Variants in DYNC1I2 observed in about 807,000 individuals in gnomAD.
The protein encoded by DYNC1I2 is dynein cytoplasmic 1 intermediate chain 2.
Under a neutral mutation model 88.6 loss-of-function variants are expected in DYNC1I2, and 53 were observed. The observed-to-expected ratio is 0.60, with a 90% CI of 0.48 to 0.75. The LOEUF is 0.75. Ranked by LOEUF, DYNC1I2 falls within the 30% of genes least tolerant of loss-of-function variation. The pLI, the probability that DYNC1I2 is intolerant of heterozygous loss-of-function variation, is 0.00. For missense variants in DYNC1I2, 458 were observed against 766.6 expected, an observed-to-expected ratio of 0.60 and a Z score of 4.75; for synonymous variants, 198 against 254.6, an observed-to-expected ratio of 0.78 and a Z score of 2.12.
intron 2 of DYNC1I2, among the ~76,000 whole-genome samples, chr2:171,692,011 A>G (rs750305973): frequency 8.5e-5 from 13 of 152,120 alleles, no homozygotes; most frequent in Non-Finnish European, 1.9e-4. Context: ...ATGGCATAGA[A>G]TATTATGGCT....
intron 3 of DYNC1I2, among the ~76,000 whole-genome samples, chr2:171,705,667 T>C (rs1189083399): frequency 6.6e-6 from 1 of 151,992 alleles, no homozygotes; most frequent in East Asian, 1.9e-4. Flanking sequence ...AATGAAGAAA[T>C]GTAACCTAAG....
chr2:171,718,734 C>T (rs773870460), intron 7 of DYNC1I2, among the ~76,000 whole-genome samples: 16 of 152,108 alleles, frequency 1.1e-4, no homozygotes, highest in Non-Finnish European at 2.2e-4. Context: ...CCCCGGCCGT[C>T]TCCAAACTTC....
In DYNC1I2 at chr2:171,748,345, T is replaced by C. The variant is rs1689935324; in HGVS notation, c.*456T>C. The C allele has an allele frequency of 6.6e-6, 1 of 152,560 alleles. No individual in the cohort carries two copies. The highest frequency in any genetic ancestry group is 1.9e-4 in the East Asian group (1 of 5,210). The allele number at this position is 152,560 out of a possible 1,614,324, so 9.5% of individuals were successfully genotyped here. On this transcript the variant is annotated 3_prime_UTR_variant, in exon 18 of 18. Coordinates refer to ENST00000397119, the MANE Select transcript of DYNC1I2 (RefSeq NM_001378.3). The stretch of plus-strand genomic sequence containing the variant: ...TGCATACACCTATCCATGTTCATTC[T>C]GACATCCTTTGTTGTCTTTATAATT...
chr2:171,727,824 G>A lies in DYNC1I2; in HGVS notation c.1000G>A (p.Ala334Thr). The A allele has an allele frequency of 6.2e-7, 1 of 1,612,078 alleles. No homozygotes were observed. The highest frequency in any genetic ancestry group is 8.5e-7 in the Non-Finnish European group (1 of 1,179,034). Residue 334 changes from alanine (A) to threonine (T), a missense_variant, in exon 12 of 18, where the codon GCT becomes ACT. Ala to Thr is a moderately conservative substitution (Grantham distance 58). Around this residue, in one of 5 missense-constraint regions of DYNC1I2, gnomAD observed 203 missense variants for 354.2 expected, o/e 0.57. Transcript: ENST00000397119. ...TAAAAATCTTACTTATTTGCAGTCA[G>A]CTGTGATGTCTGCCACATTTGCAAA... ...TPEYVFHCQS[A>T]VMSATFAKFH...
chr2:171,705,359 A>G lies in DYNC1I2; in HGVS notation c.227-1188A>G, dbSNP rs534928197. Reference sequence around the variant, plus strand: ...AAGGGGGAAAAGCATGTTAAACTGAAAAAGAATTCTGTAGTTCATCACAAA... The same window carrying G: ...AAGGGGGAAAAGCATGTTAAACTGAGAAAGAATTCTGTAGTTCATCACAAA... On this transcript the variant is annotated intron_variant, in intron 3 of 17. Coordinates refer to ENST00000397119, the MANE Select transcript of DYNC1I2 (RefSeq NM_001378.3). Among the ~76,000 whole-genome samples, 6 of 152,244 alleles carry G rather than the reference A, an allele frequency of 3.9e-5. No homozygotes were observed. In the East Asian group the frequency reaches 1.2e-3, roughly 29 times the overall value.
chr2:171,701,229 G>A (rs1850031), intron 3 of DYNC1I2, among the ~76,000 whole-genome samples: 28,089 of 151,872 alleles, frequency 0.18, 3,740 homozygotes, highest in African/African-American at 0.37. Context: ...TCTCTCTCCC[G>A]GGCTGGAGTG....
In DYNC1I2 at chr2:171,727,837, C is replaced by T. The variant is rs746866532; in HGVS notation, c.1013C>T (p.Ala338Val). ...VFHCQSAVMSATFAKFHPNLV... is the reference protein window; with the variant it reads ...VFHCQSAVMSVTFAKFHPNLV... ...TATTTGCAGTCAGCTGTGATGTCTGCCACATTTGCAAAATTTCATCCAAAT... is the reference window on the plus strand; with the variant it reads ...TATTTGCAGTCAGCTGTGATGTCTGTCACATTTGCAAAATTTCATCCAAAT... The change falls in exon 12 of 18, where the codon GCC (alanine) becomes GTC (valine). Residue 338 changes from alanine to valine, a missense_variant. Around this residue, in one of 5 missense-constraint regions of DYNC1I2, gnomAD observed 203 missense variants for 354.2 expected, o/e 0.57. Coordinates refer to ENST00000397119, the MANE Select transcript of DYNC1I2 (RefSeq NM_001378.3). 1.2e-6 allele frequency: 2 copies of T among 1,612,656 alleles called. No homozygotes were observed. The highest frequency in any genetic ancestry group is 1.1e-5 in the South Asian group (1 of 90,982).
chr2:171,742,307 A>G (rs766327004), intron 15 of DYNC1I2, among the ~76,000 whole-genome samples: 2 of 151,852 alleles, frequency 1.3e-5, no homozygotes, highest in Non-Finnish European at 2.9e-5. Flanking sequence ...AGGGTGGCTG[A>G]GACTATAGGT....
At chr2:171,706,929 T>C in intron 4 of DYNC1I2, 1 of 424,378 alleles carries the variant, frequency 2.4e-6, no homozygotes, top group South Asian at 3.5e-5. Flanking sequence ...TCTGGTGATA[T>C]TAAAAGTGAA....
chr2:171,694,893 A>G (rs1018507003), intron 3 of DYNC1I2, among the ~76,000 whole-genome samples: 10 of 152,142 alleles, frequency 6.6e-5, no homozygotes, highest in Non-Finnish European at 1.5e-4. Context: ...ACTAGGCCCC[A>G]CTTCCAACAC....
At chr2:171,730,548 A>G (rs530758844) in intron 15 of DYNC1I2, among the ~76,000 whole-genome samples, 42 of 152,346 alleles carry the variant, frequency 2.8e-4, no homozygotes, top group Admixed American at 2.0e-3. Flanking sequence ...CCAAGTAGGC[A>G]ACATTACCTC....
intron 3 of DYNC1I2, among the ~76,000 whole-genome samples, chr2:171,705,689 G>A (rs1007511350): frequency 6.6e-6 from 1 of 151,978 alleles, no homozygotes; most frequent in Non-Finnish European, 1.5e-5. Context: ...TAAATTAAGG[G>A]ACATTAATAT....
intron 5 of DYNC1I2, among the ~76,000 whole-genome samples, chr2:171,710,122 TACAC>T (rs55862813): frequency 0.097 from 14,002 of 144,302 alleles, 823 homozygotes; most frequent in South Asian, 0.16. Context: ...TATGTATATA[TACAC>T]ACACACACAC....
intron 5 of DYNC1I2, among the ~76,000 whole-genome samples, chr2:171,710,360 A>G (rs191646507): frequency 1.3e-5 from 2 of 152,354 alleles, no homozygotes; most frequent in East Asian, 1.9e-4. Flanking sequence ...AATAAAGACA[A>G]TTAGAAGAAA....
Position 171,712,788 on chromosome 2 carries a change from T to C in DYNC1I2, c.357T>C (p.Asp119=). 6.2e-7 allele frequency: 1 copy of C among 1,613,572 alleles called. No homozygotes were observed. The highest frequency in any genetic ancestry group is 8.5e-7 in the Non-Finnish European group (1 of 1,179,614). The stretch of plus-strand genomic sequence containing the variant: ...TTAGGACGCTGCATTGGGATACAGA[T>C]CCATCAGTTCTTCAGCTTCACTCAG... ...VGSRTLHWDT[D]PSVLQLHSDS... Residue 119 remains aspartate (D), a synonymous_variant, in exon 6 of 18, where the codon GAT becomes GAC. Transcript: ENST00000397119.
intron 5 of DYNC1I2, among the ~76,000 whole-genome samples, chr2:171,711,817 T>C (rs1490733276): frequency 6.6e-6 from 1 of 152,232 alleles, no homozygotes; most frequent in African/African-American, 2.4e-5. Context: ...TTATAATGTC[T>C]TACATAAGTG....
chr2:171,693,222 T>G (rs980971906), intron 3 of DYNC1I2: 20 of 295,402 alleles, frequency 6.8e-5, no homozygotes, highest in African/African-American at 3.5e-4. Context: ...GGATTCCTGA[T>G]CTGAACTCTA....
intron 1 of DYNC1I2, chr2:171,688,103 A>G (rs927000080): frequency 1.3e-5 from 2 of 152,352 alleles, no homozygotes; most frequent in African/African-American, 4.8e-5. Flanking sequence ...TCCGGCGCCC[A>G]CTGGCTTCTT....
Position 171,747,875 on chromosome 2 carries a change from C to G in DYNC1I2, c.1903C>G (p.Arg635Gly), listed in dbSNP as rs774695510. 6.2e-7 allele frequency: 1 copy of G among 1,608,902 alleles called. No homozygotes were observed. The highest frequency in any genetic ancestry group is 1.3e-5 in the African/African-American group (1 of 74,922). Residue 635 changes from arginine (R) to glycine (G), a missense_variant, in exon 18 of 18, where the codon CGA (arginine) becomes GGA (glycine). Coordinates refer to ENST00000397119, the MANE Select transcript of DYNC1I2 (RefSeq NM_001378.3). ...TGATGCAGAGGAGGAAGCAGCTACC[C>G]GAATACCTGCTTAGTTCCTGAAAAG... Reference protein sequence around the residue: ...RADAEEEAATRIPA With the variant: ...RADAEEEAATGIPA
Sources: gnomAD v4.1 joint callset for allele counts (sites outside exome capture counted in the v4.1 genomes callset) on GRCh38, gnomAD v4.1.1 for gene constraint, gnomAD v4.1.1 regional missense constraint, MANE v1.5 for transcripts, NCBI Gene and HGNC (gene_info 2026-07-23, HGNC 2026-07-21) for gene names.